FATE1: variants seen among roughly 807,000 people sequenced by gnomAD.
FATE1 encodes the protein fetal and adult testis expressed 1.
FATE1 carries 18 observed loss-of-function variants against 16.0 expected under a neutral mutation model. That is an observed-to-expected ratio of 1.12 (90% CI 0.78 to 1.66). The LOEUF (loss-of-function observed/expected upper bound fraction) is 1.66. Among genes scored for constraint, FATE1 ranks in the 40% most tolerant of loss-of-function variants. FATE1 has a pLI of 0.00. For missense variants in FATE1, 169 were observed against 152.7 expected (o/e 1.11, Z -0.56); for synonymous variants, 76 against 56.9 (o/e 1.34, Z -1.51).
At position 151,723,117 on chromosome X, in the gene FATE1, C is replaced by T. The variant is rs2015133899; in HGVS notation, c.*358C>T. The T allele has an allele frequency of 5.5e-6, 1 of 180,784 alleles. No individual in the cohort carries two copies. The highest frequency in any genetic ancestry group is 3.0e-5 in the African/African-American group (1 of 33,369). 14.9% of individuals were successfully genotyped at this position (180,784 alleles called of 1,213,427 possible). ...GGCAGGGGTGTGGCTTTGTTTTCCTCCCTCGTTTGCTTCCACCTCGTGCAC... is the reference window on the plus strand; with the variant it reads ...GGCAGGGGTGTGGCTTTGTTTTCCTTCCTCGTTTGCTTCCACCTCGTGCAC... On this transcript the variant is annotated 3_prime_UTR_variant, in exon 5 of 5. Coordinates refer to ENST00000370350, the MANE Select transcript of FATE1 (RefSeq NM_033085.3).
At chrX:151,722,537 C>T in intron 4 of FATE1, 91 bp from the exon 5 acceptor site, 2 of 1,164,213 alleles carry the variant, frequency 1.7e-6, no homozygotes, top group South Asian at 3.7e-5. Context: ...CAAGCCCCTT[C>T]TTGCTCTAAC....
At chrX:151,718,310 TC>T (rs1217607212) in intron 2 of FATE1, among the ~76,000 whole-genome samples, 3 of 112,341 alleles carry the variant, frequency 2.7e-5, no homozygotes, top group Non-Finnish European at 5.6e-5. Context: ...TTGTAGGCAA[TC>T]CTTTTAAGCT....
At position 151,722,977 on chromosome X, in the gene FATE1, C is replaced by T; in HGVS notation, c.*218C>T. ...CGAAGCTGGAGGAGGACTGCGTGGG[C>T]TGAGATGCCACCCTTTGAAGGGTGA... On this transcript the variant is annotated 3_prime_UTR_variant, in exon 5 of 5. Transcript: ENST00000370350. The T allele has an allele frequency of 2.4e-6, 1 of 410,925 alleles. No homozygotes were observed. The highest frequency in any genetic ancestry group is 4.1e-6 in the Non-Finnish European group (1 of 243,884). The allele number at this position is 410,925 out of a possible 1,213,427, so 33.9% of individuals were successfully genotyped here. A position where few individuals can be genotyped will look rare whatever the true frequency, so the allele number is the denominator to read the frequency against.
At chrX:151,718,384 T>G (rs1158595942) in intron 2 of FATE1, among the ~76,000 whole-genome samples, 1 of 112,277 alleles carries the variant, frequency 8.9e-6, no homozygotes, top group Non-Finnish European at 1.9e-5. Flanking sequence ...GCAAATGATA[T>G]TGGGAAAACA....
Position 151,716,276 on chromosome X carries a change from T to A in FATE1, c.106+51T>A, listed in dbSNP as rs568339383. ...GGCTACAGCCAACTGTGTAGATACGTGTCTATACCTGTGCATGTGTGTGTT... is the reference window on the plus strand; with the variant it reads ...GGCTACAGCCAACTGTGTAGATACGAGTCTATACCTGTGCATGTGTGTGTT... On this transcript the variant is annotated intron_variant, in intron 1 of 4. Coordinates refer to ENST00000370350, the MANE Select transcript of FATE1 (RefSeq NM_033085.3). 32 of 983,875 alleles carry A rather than the reference T, an allele frequency of 3.3e-5. 1 individual carries two copies. Among genetic ancestry groups the A allele is most frequent in the African/African-American group, 1.9e-4 (10 of 52,002 alleles). 81.1% of individuals were successfully genotyped at this position (983,875 alleles called of 1,213,427 possible). A position where few individuals can be genotyped will look rare whatever the true frequency, so the allele number is the denominator to read the frequency against.
At position 151,716,270 on chromosome X, in the gene FATE1, G is replaced by A. The variant is rs763252868; in HGVS notation, c.106+45G>A. On this transcript the variant is annotated intron_variant, in intron 1 of 4. Coordinates refer to ENST00000370350, the MANE Select transcript of FATE1 (RefSeq NM_033085.3). Reference sequence around the variant, plus strand: ...CCCCTAGGCTACAGCCAACTGTGTAGATACGTGTCTATACCTGTGCATGTG... The same window carrying A: ...CCCCTAGGCTACAGCCAACTGTGTAAATACGTGTCTATACCTGTGCATGTG... 1.9e-5 allele frequency: 20 copies of A among 1,047,858 alleles called. No homozygotes were observed. The East Asian group carries it at 6.6e-4, about 35-fold the overall frequency. The allele number at this position is 1,047,858 out of a possible 1,213,427, so 86.4% of individuals were successfully genotyped here. A position where few individuals can be genotyped will look rare whatever the true frequency, so the allele number is the denominator to read the frequency against.
intron 4 of FATE1, among the ~76,000 whole-genome samples, chrX:151,722,239 C>G (rs954808150): frequency 9.0e-6 from 1 of 111,461 alleles, no homozygotes; most frequent in Non-Finnish European, 1.9e-5. Context: ...AGGGAACATA[C>G]AAGGATAAGG....
In FATE1 at chrX:151,717,295, T is replaced by C; in HGVS notation, c.130T>C (p.Ser44Pro). The C allele has an allele frequency of 1.7e-6, 2 of 1,207,293 alleles. No homozygotes were observed. The highest frequency in any genetic ancestry group is 2.2e-6 in the Non-Finnish European group (2 of 892,725). Residue 44 changes from serine (S) to proline (P), a missense_variant, in exon 2 of 5, where the codon TCC becomes CCC. By Grantham distance (74) the Ser-to-Pro change is moderately conservative. Transcript: ENST00000370350. The part of the protein sequence containing the change: ...IAEMMELGSR[S>P]RGASQKKQKL... ...AGAAATGATGGAGCTTGGATCTCGG[T>C]CCCGGGGTGCCTCCCAGAAGAAGCA...
At chrX:151,717,462 G>T in intron 2 of FATE1, 63 bp downstream of exon 2, 1 of 1,122,078 alleles carries the variant, frequency 8.9e-7, no homozygotes, top group Non-Finnish European at 1.2e-6. Context: ...GGTTGTAGGG[G>T]CTCTAGCCTG....
intron 2 of FATE1, among the ~76,000 whole-genome samples, chrX:151,718,333 G>A (rs1052404761): frequency 3.6e-5 from 4 of 112,340 alleles, no homozygotes; most frequent in African/African-American, 1.3e-4. Flanking sequence ...CATTCAATAT[G>A]GGTGAAGGAA....
chrX:151,717,486 G>A, intron 2 of FATE1, 87 bp downstream of exon 2: 3 of 998,988 alleles, frequency 3.0e-6, no homozygotes, highest in Non-Finnish European at 4.0e-6. Context: ...AGGTCAGGCA[G>A]GGCTAGACGT....
chrX:151,720,400 T>C (rs1414571536), intron 2 of FATE1, among the ~76,000 whole-genome samples: 1 of 112,033 alleles, frequency 8.9e-6, no homozygotes, highest in Non-Finnish European at 1.9e-5. Flanking sequence ...GGGTTTGTAC[T>C]GTTTTACTGT....
chrX:151,717,969 C>G (rs1314014333), intron 2 of FATE1, among the ~76,000 whole-genome samples: 1 of 110,665 alleles, frequency 9.0e-6, no homozygotes, highest in Non-Finnish European at 1.9e-5. Context: ...GCCTGTAATC[C>G]CAGCTACTCA....
chrX:151,720,107 C>A (rs907029932), intron 2 of FATE1, among the ~76,000 whole-genome samples: 1 of 111,882 alleles, frequency 8.9e-6, no homozygotes, highest in Non-Finnish European at 1.9e-5. Flanking sequence ...AAGTGCCTGG[C>A]TGCCAACCAG....
chrX:151,722,319 C>G (rs1221408094), intron 4 of FATE1, among the ~76,000 whole-genome samples: 1 of 112,380 alleles, frequency 8.9e-6, no homozygotes, highest in African/African-American at 3.2e-5. Flanking sequence ...AAACCAAACC[C>G]AGACCTTCTT....
chrX:151,720,048 T>G (rs1027746285), intron 2 of FATE1, among the ~76,000 whole-genome samples: 8 of 112,014 alleles, frequency 7.1e-5, no homozygotes, highest in African/African-American at 2.6e-4. Context: ...TTTGTGTCAC[T>G]TTCACCCCAG....
chrX:151,719,975 C>A (rs935617536), intron 2 of FATE1, among the ~76,000 whole-genome samples: 5 of 111,758 alleles, frequency 4.5e-5, no homozygotes, highest in Non-Finnish European at 7.5e-5. Context: ...GCAGGGTGAG[C>A]GGGTAAGGAA....
rs777054753 is a variant in FATE1, at chrX:151,722,547, C to G, written c.421-81C>G. On this transcript the variant is annotated intron_variant, in intron 4 of 4. Transcript: ENST00000370350. ...GCAATCAAGCCCCTTCTTGCTCTAACTTTATGCTTTTCCCATGGCTGTGCT... is the reference window on the plus strand; with the variant it reads ...GCAATCAAGCCCCTTCTTGCTCTAAGTTTATGCTTTTCCCATGGCTGTGCT... 4.2e-6 allele frequency: 5 copies of G among 1,186,220 alleles called. No homozygotes were observed. The African/African-American group carries it at 5.3e-5, about 12-fold the overall frequency.
At chrX:151,717,476 A>T in intron 2 of FATE1, 77 bp downstream of exon 2, 1 of 1,051,510 alleles carries the variant, frequency 9.5e-7, no homozygotes. Flanking sequence ...TAGCCTGACC[A>T]GGTCAGGCAG....
Sources: gnomAD v4.1 joint callset for allele counts (sites outside exome capture counted in the v4.1 genomes callset) on GRCh38, gnomAD v4.1.1 for gene constraint, MANE v1.5 for transcripts, NCBI Gene and HGNC (gene_info 2026-07-23, HGNC 2026-07-21) for gene names.